Variants in WDPCP observed in about 807,000 individuals in gnomAD.
WDPCP encodes the protein WD repeat-containing and planar cell polarity effector protein fritz homolog.
In WDPCP, 71 loss-of-function variants were observed where a neutral mutation model predicts 93.1. The ratio of observed to expected loss-of-function variants is 0.76; its 90% confidence interval spans 0.63 to 0.93. WDPCP has a LOEUF of 0.93. WDPCP is among the 40% of genes least tolerant of loss of function. The pLI is 0.00. For synonymous variants in WDPCP, 315 were observed against 315.0 expected (o/e 1.00, Z 0.00); for missense variants, 844 against 887.4 (o/e 0.95, Z 0.62).
At chr2:63,244,135 G>C (rs1680083281) in intron 14 of WDPCP, among the ~76,000 whole-genome samples, 1 of 151,980 alleles carries the variant, frequency 6.6e-6, no homozygotes, top group East Asian at 1.9e-4. Context: ...GAATTATTTT[G>C]GGCATTAAGG....
At chr2:63,408,741 T>G (rs1694794584) in intron 9 of WDPCP, among the ~76,000 whole-genome samples, 2 of 152,140 alleles carry the variant, frequency 1.3e-5, no homozygotes, top group South Asian at 4.1e-4. Flanking sequence ...CCCTTTGGTT[T>G]GTGTGGGAGC....
At chr2:63,208,965 C>T (rs1352437413) in intron 14 of WDPCP, among the ~76,000 whole-genome samples, 1 of 152,192 alleles carries the variant, frequency 6.6e-6, no homozygotes, top group East Asian at 1.9e-4. Flanking sequence ...CAGTTTAACT[C>T]CCCATTTGGC....
At position 63,128,561 on chromosome 2, in the gene WDPCP, G is replaced by A. The variant is rs542736283; in HGVS notation, c.2191-6505C>T. On this transcript the variant is annotated intron_variant, in intron 17 of 17. Coordinates refer to ENST00000272321, the MANE Select transcript of WDPCP (RefSeq NM_015910.7). ...GGATTAGGCACATTCACATCATCAT[G>A]TAACCATCACCGCTCTCCATCTCCA... Among the ~76,000 whole-genome samples, 3 of 152,146 alleles carry A rather than the reference G, an allele frequency of 2.0e-5. No homozygotes were observed. The East Asian group carries it at 5.8e-4, about 29-fold the overall frequency.
intron 12 of WDPCP, among the ~76,000 whole-genome samples, chr2:63,366,559 G>C (rs958506185): frequency 2.0e-5 from 3 of 152,156 alleles, no homozygotes; most frequent in Non-Finnish European, 2.9e-5. Context: ...TTAAATTCTT[G>C]TTACATGGAT....
At chr2:63,792,873 A>C (rs2104007239) in intron 2 of WDPCP, among the ~76,000 whole-genome samples, 1 of 151,764 alleles carries the variant, frequency 6.6e-6, no homozygotes, top group Non-Finnish European at 1.5e-5. Context: ...AAAAAAAATC[A>C]CTCCAAAGGC....
At chr2:63,358,759 A>G (rs371597840) in intron 12 of WDPCP, among the ~76,000 whole-genome samples, 2 of 152,248 alleles carry the variant, frequency 1.3e-5, no homozygotes, top group South Asian at 4.1e-4. Flanking sequence ...ATGGCCTCCA[A>G]TGCTCTCTTA....
At chr2:63,255,499 G>T (rs1165409906) in intron 14 of WDPCP, among the ~76,000 whole-genome samples, 1 of 152,100 alleles carries the variant, frequency 6.6e-6, no homozygotes, top group Non-Finnish European at 1.5e-5. Context: ...CTGAGTTCTT[G>T]CTCTGTTAGT....
chr2:63,415,593 G>T (rs1182527719), intron 9 of WDPCP, among the ~76,000 whole-genome samples: 1 of 152,172 alleles, frequency 6.6e-6, no homozygotes, highest in Non-Finnish European at 1.5e-5. Context: ...AAGTGATAGA[G>T]TTGCAGTTTG....
At chr2:63,739,116 T>C (rs957218095) in intron 2 of WDPCP, among the ~76,000 whole-genome samples, 3 of 152,168 alleles carry the variant, frequency 2.0e-5, no homozygotes, top group Non-Finnish European at 4.4e-5. Context: ...TTGTTGTACA[T>C]ATTATTTTAT....
At chr2:63,308,049 A>G (rs1052046480) in intron 13 of WDPCP, among the ~76,000 whole-genome samples, 3 of 152,224 alleles carry the variant, frequency 2.0e-5, no homozygotes, top group African/African-American at 7.2e-5. Context: ...AATGTACAAG[A>G]AAACAAACAA....
upstream of WDPCP, among the ~76,000 whole-genome samples, chr2:63,592,572 C>T (rs891741575): frequency 2.0e-5 from 3 of 152,200 alleles, no homozygotes; most frequent in African/African-American, 7.2e-5. Flanking sequence ...TCTCGAACTC[C>T]TGGGCTCAAG....
rs1396087833 is a variant in WDPCP, at chr2:63,436,436, C to T, written c.633+985G>A. 2.6e-5 allele frequency among the ~76,000 whole-genome samples: 4 copies of T among 151,936 alleles called. No individual in the cohort carries two copies. In the East Asian group the frequency reaches 7.7e-4, roughly 29 times the overall value. On this transcript the variant is annotated intron_variant, in intron 8 of 17. Transcript: ENST00000272321. ...TGTTCCTACTAAATAAAACTAAATC[C>T]TCCCATGCTACCACCACCTCATTCA... is the stretch of plus-strand genomic sequence containing the variant.
At chr2:63,721,455 A>C (rs6546027) in intron 2 of WDPCP, among the ~76,000 whole-genome samples, 118,124 of 152,128 alleles carry the variant, frequency 0.78, 47,163 homozygotes, top group African/African-American at 0.89. Context: ...CCACTTGGAC[A>C]ACTGTAATAG....
the WDPCP span, among the ~76,000 whole-genome samples, chr2:63,838,004 G>A: frequency 6.6e-6 from 1 of 152,058 alleles, no homozygotes. Flanking sequence ...GCTGAGGCAG[G>A]AGAATCCAGC....
rs539471621 is a variant in WDPCP, at chr2:63,339,953, CAT to C, written c.1749-26644_1749-26643del. ...TTTTTTTGCCATCTATTGAAATAAT[CAT>C]ATGTTTTTTGTTATTTATTCTGTTA... On this transcript the variant is annotated intron_variant, in intron 12 of 17. Transcript: ENST00000272321. Among the ~76,000 whole-genome samples, 9 of 152,094 alleles carry C rather than the reference CAT, an allele frequency of 5.9e-5. No homozygotes were observed. In the South Asian group the frequency reaches 1.9e-3, roughly 32 times the overall value.
At chr2:63,711,782 C>T (rs761362477) in intron 2 of WDPCP, among the ~76,000 whole-genome samples, 1 of 152,200 alleles carries the variant, frequency 6.6e-6, no homozygotes, top group East Asian at 1.9e-4. Context: ...GACAAACAAA[C>T]AAAACAGAAA....
intron 6 of WDPCP, among the ~76,000 whole-genome samples, chr2:63,449,556 C>A (rs1698087456): frequency 6.6e-6 from 1 of 152,030 alleles, no homozygotes; most frequent in Admixed American, 6.6e-5. Flanking sequence ...CTTGGTAATG[C>A]CAGGAAAGAG....
chr2:63,179,339 C>T (rs1328414001), intron 14 of WDPCP, among the ~76,000 whole-genome samples: 1 of 151,628 alleles, frequency 6.6e-6, no homozygotes, highest in Non-Finnish European at 1.5e-5. Context: ...GGGAACTTTT[C>T]CTCATGGAGG....
the WDPCP span, among the ~76,000 whole-genome samples, chr2:63,836,343 T>C: frequency 6.6e-6 from 1 of 152,198 alleles, no homozygotes; most frequent in Non-Finnish European, 1.5e-5. Context: ...TTTGATGGAA[T>C]GCACAACAGG....
Sources: gnomAD v4.1 joint callset for allele counts (sites outside exome capture counted in the v4.1 genomes callset) on GRCh38, gnomAD v4.1.1 for gene constraint, MANE v1.5 for transcripts, NCBI Gene and HGNC (gene_info 2026-07-23, HGNC 2026-07-21) for gene names.